DOK6: variants seen among roughly 807,000 people sequenced by gnomAD.
DOK6 encodes docking protein 6.
Under a neutral mutation model 44.0 loss-of-function variants are expected in DOK6, and 22 were observed. The observed-to-expected ratio is 0.50, with a 90% CI of 0.36 to 0.71. The LOEUF is 0.71. DOK6 is among the 30% of genes least tolerant of loss of function. The pLI is 0.00. For synonymous variants in DOK6, 166 were observed against 145.5 expected, an observed-to-expected ratio of 1.14 and a Z score of -1.01; for missense variants, 340 against 416.4, an observed-to-expected ratio of 0.82 and a Z score of 1.60.
chr18:69,500,374 A>G lies in DOK6; in HGVS notation c.67-64113A>G, dbSNP rs147190613. Among the ~76,000 whole-genome samples, 1,316 of 152,146 alleles carry G rather than the reference A, an allele frequency of 8.6e-3. 6 individuals carry two copies. Among genetic ancestry groups the G allele is most frequent in the Non-Finnish European group, 0.014 (963 of 67,986 alleles). ...TTGACTTGTTTCCTTTATTCTTGCC[A>G]TTCTCTTTCATATGTCACCTTCTCA... is the stretch of plus-strand genomic sequence containing the variant. On this transcript the variant is annotated intron_variant, in intron 1 of 7. Transcript: ENST00000382713.
chr18:69,515,946 C>G (rs1981509789), intron 1 of DOK6, among the ~76,000 whole-genome samples: 3 of 152,098 alleles, frequency 2.0e-5, no homozygotes, highest in Admixed American at 1.3e-4. Flanking sequence ...CTTGAGACCA[C>G]AGATTAATTT....
chr18:69,841,149 A>G, intron 7 of DOK6, 95 bp from the exon 8 acceptor site: 5 of 1,484,150 alleles, frequency 3.4e-6, no homozygotes, highest in Non-Finnish European at 4.6e-6. Context: ...GTTCTTAAAA[A>G]TATAGATAGA....
intron 3 of DOK6, among the ~76,000 whole-genome samples, chr18:69,621,008 A>G (rs971337915): frequency 1.3e-5 from 2 of 152,144 alleles, no homozygotes; most frequent in Non-Finnish European, 2.9e-5. Context: ...GGCATTCTAC[A>G]TCTACTTGAA....
rs560867777 is a variant in DOK6 at position 69,791,926 on chromosome 18, G to C, written c.856+34053G>C. 9.2e-5 allele frequency among the ~76,000 whole-genome samples: 14 copies of C among 152,180 alleles called. No individual in the cohort carries two copies. The South Asian group carries it at 2.9e-3, about 32-fold the overall frequency. ...TTTAATCCATTTTCATTTGGTTTTT[G>C]TATATGGTGAGAGATAAGGATCTAG... On this transcript the variant is annotated intron_variant, in intron 7 of 7. Transcript: ENST00000382713.
intron 5 of DOK6, among the ~76,000 whole-genome samples, chr18:69,715,105 G>A (rs1481851340): frequency 1.3e-5 from 2 of 152,168 alleles, no homozygotes; most frequent in East Asian, 3.8e-4. Flanking sequence ...GTAAGGAAGT[G>A]CTTTGAACAA....
At chr18:69,686,051 C>G (rs1312349658) in intron 4 of DOK6, among the ~76,000 whole-genome samples, 1 of 152,062 alleles carries the variant, frequency 6.6e-6, no homozygotes, top group Non-Finnish European at 1.5e-5. Flanking sequence ...GAGGTGAGCC[C>G]TAATCCAATA....
Position 69,823,625 on chromosome 18 carries a change from T to TTGTGTGTGTGTGTG in DOK6, c.857-17599_857-17586dup, listed in dbSNP as rs72248499. Among the ~76,000 whole-genome samples, 225 of 146,866 alleles carry TTGTGTGTGTGTGTG rather than the reference T, an allele frequency of 1.5e-3. 1 individual carries two copies. The highest frequency in any genetic ancestry group is 4.0e-3 in the South Asian group (18 of 4,516). ...TTAGGAGAAGGAGAAGTGTGTGTGTTTGTGTGTGTGTGTGTGTGTGTGTGT... is the reference window on the plus strand; with the variant it reads ...TTAGGAGAAGGAGAAGTGTGTGTGTTTGTGTGTGTGTGTGTGTGTGTGTGTGTGTGTGTGTGTGT... On this transcript the variant is annotated intron_variant, in intron 7 of 7. Coordinates refer to ENST00000382713, the MANE Select transcript of DOK6 (RefSeq NM_152721.6).
At chr18:69,615,165 G>A (rs1372644451) in intron 3 of DOK6, among the ~76,000 whole-genome samples, 1 of 152,176 alleles carries the variant, frequency 6.6e-6, no homozygotes, top group African/African-American at 2.4e-5. Flanking sequence ...TAGCTGGTAT[G>A]TATCCAGGAC....
chr18:69,507,184 T>C (rs1287548944), intron 1 of DOK6, among the ~76,000 whole-genome samples: 2 of 152,012 alleles, frequency 1.3e-5, no homozygotes, highest in East Asian at 1.9e-4. Context: ...CGTGCCACCG[T>C]GGCTTGCTAA....
At chr18:69,612,615 C>T (rs748568544) in intron 3 of DOK6, among the ~76,000 whole-genome samples, 1 of 50,222 alleles carries the variant, frequency 2.0e-5, no homozygotes, top group Non-Finnish European at 4.4e-5. Flanking sequence ...CCTCACGCTG[C>T]TTAGTGTCTT....
intron 1 of DOK6, among the ~76,000 whole-genome samples, chr18:69,404,388 T>C (rs558863120): frequency 1.3e-5 from 2 of 152,308 alleles, no homozygotes; most frequent in East Asian, 3.9e-4. Flanking sequence ...AAGGCATATA[T>C]AGCAAAATAT....
intron 1 of DOK6, among the ~76,000 whole-genome samples, chr18:69,518,190 A>G (rs1003843449): frequency 2.6e-5 from 4 of 152,300 alleles, no homozygotes; most frequent in Non-Finnish European, 4.4e-5. Flanking sequence ...ATTTGTTTCC[A>G]TAATATTACA....
intron 1 of DOK6, among the ~76,000 whole-genome samples, chr18:69,534,865 T>A (rs1982078042): frequency 1.3e-5 from 2 of 152,264 alleles, no homozygotes; most frequent in African/African-American, 4.8e-5. Context: ...ATAAAATTAT[T>A]CACAAGGAAT....
At chr18:69,617,420 GAAAA>G (rs1984313825) in intron 3 of DOK6, among the ~76,000 whole-genome samples, 1 of 143,850 alleles carries the variant, frequency 7.0e-6, no homozygotes, top group Admixed American at 7.1e-5. Context: ...TAGGAGAAAA[GAAAA>G]AGAAAGAAAG....
chr18:69,459,770 A>C (rs1979736851), intron 1 of DOK6, among the ~76,000 whole-genome samples: 1 of 152,224 alleles, frequency 6.6e-6, no homozygotes, highest in Non-Finnish European at 1.5e-5. Context: ...TGCGAAAGCA[A>C]TATATTGGTT....
chr18:69,697,376 A>G (rs1239684935), intron 4 of DOK6, among the ~76,000 whole-genome samples: 1 of 152,062 alleles, frequency 6.6e-6, no homozygotes, highest in Admixed American at 6.5e-5. Flanking sequence ...TTAAATCCTA[A>G]CCCACAGAGG....
At chr18:69,815,638 C>A (rs1057425996) in intron 7 of DOK6, among the ~76,000 whole-genome samples, 26 of 152,144 alleles carry the variant, frequency 1.7e-4, no homozygotes, top group Admixed American at 8.5e-4. Flanking sequence ...CCTAATTCTT[C>A]ATTCCATCTA....
intron 7 of DOK6, among the ~76,000 whole-genome samples, chr18:69,824,092 C>T (rs1194537996): frequency 3.3e-5 from 5 of 151,330 alleles, no homozygotes; most frequent in Admixed American, 1.3e-4. Context: ...ATGTGCACAA[C>T]GTGCAGGTTA....
intron 1 of DOK6, among the ~76,000 whole-genome samples, chr18:69,546,081 C>T (rs1322649452): frequency 1.3e-5 from 2 of 151,076 alleles, no homozygotes; most frequent in African/African-American, 4.8e-5. Context: ...AGTTCGAGAC[C>T]AGGCTAGCCA....
Sources: gnomAD v4.1 joint callset for allele counts (sites outside exome capture counted in the v4.1 genomes callset) on GRCh38, gnomAD v4.1.1 for gene constraint, MANE v1.5 for transcripts, NCBI Gene and HGNC (gene_info 2026-07-23, HGNC 2026-07-21) for gene names.